The following CNTNAP5 variants were observed in gnomAD, a reference collection of about 807,000 sequenced individuals.
CNTNAP5 encodes contactin-associated protein-like 5.
CNTNAP5 carries 72 observed loss-of-function variants against 150.2 expected under a neutral mutation model. The ratio of observed to expected loss-of-function variants is 0.48; its 90% confidence interval spans 0.40 to 0.58. The LOEUF (loss-of-function observed/expected upper bound fraction) is 0.58, where lower values mean the gene tolerates loss of function less well. CNTNAP5 is among the 20% of genes least tolerant of loss of function. CNTNAP5 has a pLI of 0.00. For missense variants in CNTNAP5, 1,636 were observed against 1,626.2 expected (o/e 1.01, Z -0.10); for synonymous variants, 672 against 619.8 (o/e 1.08, Z -1.25).
chr2:124,486,597 G>A (rs1007729079), intron 7 of CNTNAP5, among the ~76,000 whole-genome samples: 4 of 152,152 alleles, frequency 2.6e-5, no homozygotes, highest in African/African-American at 9.7e-5. Flanking sequence ...TTGGACATCT[G>A]GAAAAGAGAG....
intron 12 of CNTNAP5, among the ~76,000 whole-genome samples, chr2:124,641,685 A>G (rs1411011591): frequency 6.6e-6 from 1 of 152,172 alleles, no homozygotes; most frequent in Non-Finnish European, 1.5e-5. Context: ...CTATTACAAT[A>G]GGAGTATAAG....
chr2:124,645,177 C>G (rs1678177994), intron 12 of CNTNAP5, among the ~76,000 whole-genome samples: 1 of 151,982 alleles, frequency 6.6e-6, no homozygotes, highest in African/African-American at 2.4e-5. Context: ...TTTAAAAGTT[C>G]TGGGTTAATT....
At chr2:124,402,400 A>G (rs1376177557) in intron 3 of CNTNAP5, among the ~76,000 whole-genome samples, 1 of 152,210 alleles carries the variant, frequency 6.6e-6, no homozygotes, top group Non-Finnish European at 1.5e-5. Flanking sequence ...CAACAGAGTA[A>G]GAGCACAGAG....
chr2:124,271,864 G>A (rs938802521), intron 3 of CNTNAP5, among the ~76,000 whole-genome samples: 6 of 151,832 alleles, frequency 4.0e-5, no homozygotes, highest in South Asian at 2.1e-4. Flanking sequence ...ACAGGAGCTC[G>A]CCACCATTCC....
chr2:124,762,317 A>T (rs946228426), intron 14 of CNTNAP5, among the ~76,000 whole-genome samples: 63 of 152,136 alleles, frequency 4.1e-4, no homozygotes, highest in African/African-American at 1.4e-3. Flanking sequence ...CATAATCAAG[A>T]TGAATTAATA....
In CNTNAP5 at chr2:124,559,698, C is replaced by T. The variant is rs551653825; in HGVS notation, c.1650-3519C>T. On this transcript the variant is annotated intron_variant, in intron 10 of 23. Coordinates refer to ENST00000682447, the MANE Select transcript of CNTNAP5 (RefSeq NM_001367498.1). Reference sequence around the variant, plus strand: ...TAATGTCTTCGATGCTCAGTTTATGCCACGTAGACAGAGAAAGAAACAAAA... The same window carrying T: ...TAATGTCTTCGATGCTCAGTTTATGTCACGTAGACAGAGAAAGAAACAAAA... 2.0e-4 allele frequency among the ~76,000 whole-genome samples: 30 copies of T among 152,202 alleles called. No homozygotes were observed. The South Asian group carries it at 5.2e-3, about 26-fold the overall frequency.
chr2:124,896,753 G>T (rs1313309638), intron 21 of CNTNAP5, among the ~76,000 whole-genome samples: 1 of 151,306 alleles, frequency 6.6e-6, no homozygotes. Flanking sequence ...TGGCCAGGCT[G>T]GTCTCGAACT....
chr2:124,229,188 T>C (rs1316405298), intron 2 of CNTNAP5, among the ~76,000 whole-genome samples: 1 of 151,904 alleles, frequency 6.6e-6, no homozygotes, highest in Non-Finnish European at 1.5e-5. Flanking sequence ...AAAGGAAAAA[T>C]GTGCTGGGCA....
intron 3 of CNTNAP5, among the ~76,000 whole-genome samples, chr2:124,335,926 A>G (rs1689455907): frequency 6.6e-6 from 1 of 152,100 alleles, no homozygotes; most frequent in Non-Finnish European, 1.5e-5. Flanking sequence ...AATGATTAAT[A>G]CAAGAAAGGA....
At chr2:124,855,167 CTTTTTTTTTTT>C (rs70999224) in intron 19 of CNTNAP5, among the ~76,000 whole-genome samples, 7 of 71,436 alleles carry the variant, frequency 9.8e-5, no homozygotes, top group East Asian at 1.6e-3. Context: ...TGGGCTTTTG[CTTTTTTTTTTT>C]TTTTTTTTTT....
chr2:124,547,180 G>A (rs1297580555), intron 10 of CNTNAP5, among the ~76,000 whole-genome samples: 1 of 152,098 alleles, frequency 6.6e-6, no homozygotes. Context: ...TCCCTGGCAG[G>A]CTTTGGGCTC....
intron 1 of CNTNAP5, among the ~76,000 whole-genome samples, chr2:124,202,731 C>CA (rs1254347244): frequency 6.6e-6 from 1 of 152,106 alleles, no homozygotes; most frequent in Non-Finnish European, 1.5e-5. Context: ...TGCAGGGGAA[C>CA]AGCCCTTTAT....
chr2:124,812,181 T>C (rs1168720119), intron 19 of CNTNAP5, among the ~76,000 whole-genome samples: 1 of 125,298 alleles, frequency 8.0e-6, no homozygotes, highest in African/African-American at 3.0e-5. Flanking sequence ...TTATAATACA[T>C]AAGTATATAT....
chr2:124,635,570 T>C (rs891019139), intron 12 of CNTNAP5, among the ~76,000 whole-genome samples: 1 of 152,192 alleles, frequency 6.6e-6, no homozygotes, highest in Admixed American at 6.5e-5. Context: ...GGTGTTCTGA[T>C]GGTCTGATGT....
intron 13 of CNTNAP5, among the ~76,000 whole-genome samples, chr2:124,736,996 C>T (rs993407499): frequency 2.1e-4 from 32 of 151,948 alleles, no homozygotes; most frequent in Non-Finnish European, 4.3e-4. Flanking sequence ...GTAGTCAGTA[C>T]TCTTAAGAAC....
At chr2:124,656,858 T>TA (rs1027903783) in intron 13 of CNTNAP5, among the ~76,000 whole-genome samples, 24 of 152,342 alleles carry the variant, frequency 1.6e-4, no homozygotes, top group Admixed American at 9.1e-4. Flanking sequence ...AATATTAAGA[T>TA]ACGGTACAGT....
At chr2:124,217,017 G>A (rs1488040538) in intron 1 of CNTNAP5, among the ~76,000 whole-genome samples, 2 of 152,242 alleles carry the variant, frequency 1.3e-5, no homozygotes, top group Non-Finnish European at 2.9e-5. Flanking sequence ...CAGTGTAAAA[G>A]TGTTCCTATC....
intron 10 of CNTNAP5, among the ~76,000 whole-genome samples, chr2:124,556,628 T>C (rs1326591652): frequency 6.6e-6 from 1 of 152,086 alleles, no homozygotes; most frequent in Non-Finnish European, 1.5e-5. Context: ...GAGAGATGCT[T>C]GTGGCTCAGA....
At chr2:124,410,376 G>A (rs1691718750) in intron 3 of CNTNAP5, among the ~76,000 whole-genome samples, 1 of 151,736 alleles carries the variant, frequency 6.6e-6, no homozygotes, top group Non-Finnish European at 1.5e-5. Flanking sequence ...GCACCAAGCG[G>A]ACCTAATAGA....
Sources: gnomAD v4.1 joint callset for allele counts (sites outside exome capture counted in the v4.1 genomes callset) on GRCh38, gnomAD v4.1.1 for gene constraint, MANE v1.5 for transcripts, NCBI Gene and HGNC (gene_info 2026-07-23, HGNC 2026-07-21) for gene names.